ZDHHC15: variants seen among roughly 807,000 people sequenced by gnomAD.
ZDHHC15 encodes the protein zDHHC palmitoyltransferase 15, also known as palmitoyltransferase ZDHHC15.
In ZDHHC15, 19 loss-of-function variants were observed where a neutral mutation model predicts 31.7. The observed-to-expected ratio is 0.60, with a 90% CI of 0.42 to 0.88. ZDHHC15 has a LOEUF of 0.88. Among genes scored for constraint, ZDHHC15 ranks in the 40% least tolerant of loss-of-function variants. ZDHHC15 has a pLI of 0.00. For missense variants in ZDHHC15, 209 were observed against 251.2 expected, an observed-to-expected ratio of 0.83 and a Z score of 1.14; for synonymous variants, 103 against 90.0, an observed-to-expected ratio of 1.14 and a Z score of -0.82.
intron 2 of ZDHHC15, among the ~76,000 whole-genome samples, chrX:75,503,610 G>C (rs2085118022): frequency 9.0e-6 from 1 of 111,032 alleles, no homozygotes. Flanking sequence ...CACATATATA[G>C]TAAGTGGCAA....
rs1205625521 is a variant in ZDHHC15, at chrX:75,372,077, TG to T, written c.*900del. The T allele has an allele frequency of 8.9e-6, 1 of 111,798 alleles. No homozygotes were observed. Among genetic ancestry groups the T allele is most frequent in the Non-Finnish European group, 1.9e-5 (1 of 53,149 alleles). 9.2% of individuals were successfully genotyped at this position (111,798 alleles called of 1,213,427 possible). A position where few individuals can be genotyped will look rare whatever the true frequency, so the allele number is the denominator to read the frequency against. ...CTCTGAAAACCCTTAACAAAACCTA[TG>T]GGCCATAACTTAGGCTTATAGATTT... On this transcript the variant is annotated 3_prime_UTR_variant, in exon 12 of 12. Coordinates refer to ENST00000373367, the MANE Select transcript of ZDHHC15 (RefSeq NM_144969.3).
Position 75,496,130 on chromosome X carries a change from C to T in ZDHHC15, c.163+9691G>A, listed in dbSNP as rs151321265. On this transcript the variant is annotated intron_variant, in intron 2 of 11. Transcript: ENST00000373367. ...GAGTCTCACCTAAGACATATGGACT[C>T]ACATAAACTTAAGGTAAAGGTGTGG... is the stretch of plus-strand genomic sequence containing the variant. Among the ~76,000 whole-genome samples, 182 of 110,500 alleles carry T rather than the reference C, an allele frequency of 1.6e-3. No individual in the cohort carries two copies. The East Asian group carries it at 0.04, about 24-fold the overall frequency.
intron 1 of ZDHHC15, among the ~76,000 whole-genome samples, chrX:75,514,593 C>A (rs908534696): frequency 1.8e-5 from 2 of 111,829 alleles, no homozygotes; most frequent in Admixed American, 9.5e-5. Context: ...CGGGGCATCA[C>A]CTCACCCAGG....
intron 1 of ZDHHC15, among the ~76,000 whole-genome samples, chrX:75,514,114 G>T (rs1252565690): frequency 8.9e-6 from 1 of 112,992 alleles, no homozygotes; most frequent in African/African-American, 3.2e-5. Flanking sequence ...TTCAAGAAAT[G>T]CCAAAGGGCA....
At chrX:75,506,884 T>C (rs2085174067) in intron 1 of ZDHHC15, among the ~76,000 whole-genome samples, 1 of 111,971 alleles carries the variant, frequency 8.9e-6, no homozygotes, top group African/African-American at 3.2e-5. Context: ...GTATGTTTCC[T>C]ATCCCTGGCT....
intron 4 of ZDHHC15, among the ~76,000 whole-genome samples, chrX:75,444,843 G>C: frequency 9.3e-6 from 1 of 107,521 alleles, no homozygotes; most frequent in Non-Finnish European, 1.9e-5. Flanking sequence ...TGTTCTCTCT[G>C]CCTGACTGCA....
At chrX:75,514,580 G>A (rs2085326972) in intron 1 of ZDHHC15, among the ~76,000 whole-genome samples, 1 of 111,744 alleles carries the variant, frequency 8.9e-6, no homozygotes, top group Non-Finnish European at 1.9e-5. Flanking sequence ...AGCCGAAGCG[G>A]GGCGGGGCAT....
intron 4 of ZDHHC15, among the ~76,000 whole-genome samples, chrX:75,438,685 T>A (rs1174975219): frequency 2.7e-5 from 3 of 111,706 alleles, no homozygotes; most frequent in Non-Finnish European, 5.6e-5. Flanking sequence ...TGAGGTATCA[T>A]TCTATTCATC....
intron 11 of ZDHHC15, among the ~76,000 whole-genome samples, chrX:75,377,470 T>C (rs111284419): frequency 0.019 from 1,968 of 104,355 alleles, 65 homozygotes; most frequent in African/African-American, 0.064. Context: ...CACTCCAACC[T>C]GGGCAACAGA....
At chrX:75,374,400 C>T (rs979860001) in intron 11 of ZDHHC15, among the ~76,000 whole-genome samples, 3 of 109,815 alleles carry the variant, frequency 2.7e-5, no homozygotes, top group Non-Finnish European at 5.7e-5. Context: ...AAAAAGGGAA[C>T]CTCCTTAATC....
At chrX:75,476,649 CCCTT>C (rs1458894616) in intron 3 of ZDHHC15, among the ~76,000 whole-genome samples, 6 of 106,971 alleles carry the variant, frequency 5.6e-5, no homozygotes, top group Non-Finnish European at 7.7e-5. Flanking sequence ...TTCCCTCCCT[CCCTT>C]CCTAATATAA....
chrX:75,393,996 C>A (rs948431557), intron 10 of ZDHHC15, among the ~76,000 whole-genome samples: 3 of 111,085 alleles, frequency 2.7e-5, no homozygotes, highest in African/African-American at 9.8e-5. Flanking sequence ...GTGCTGGCAG[C>A]TGATTAGATT....
At chrX:75,459,629 T>C (rs939570909) in intron 3 of ZDHHC15, among the ~76,000 whole-genome samples, 4 of 111,247 alleles carry the variant, frequency 3.6e-5, no homozygotes, top group Admixed American at 9.6e-5. Flanking sequence ...CTTCAGCCAC[T>C]CCAGCCAGGG....
intron 1 of ZDHHC15, among the ~76,000 whole-genome samples, chrX:75,509,905 T>C (rs1348128878): frequency 8.9e-6 from 1 of 112,136 alleles, no homozygotes; most frequent in East Asian, 2.8e-4. Flanking sequence ...GTTCCCAGAG[T>C]TACATATGAT....
intron 1 of ZDHHC15, among the ~76,000 whole-genome samples, chrX:75,507,197 G>A (rs2085181012): frequency 9.0e-6 from 1 of 111,426 alleles, no homozygotes; most frequent in Admixed American, 9.6e-5. Context: ...TAATGACAAC[G>A]ATAATGACGA....
rs1410192393 is a variant in ZDHHC15, at chrX:75,424,645, G to A, written c.736+7C>T. On this transcript the variant is annotated splice_region_variant and intron_variant, in intron 8 of 11. Coordinates refer to ENST00000373367, the MANE Select transcript of ZDHHC15 (RefSeq NM_144969.3). Reference sequence around the variant, plus strand: ...TGTTTTTTCCTAATCTTAATATTCAGTCTTACCTAAGGTGGTTTTGTTTCT... The same window carrying A: ...TGTTTTTTCCTAATCTTAATATTCAATCTTACCTAAGGTGGTTTTGTTTCT... 8.4e-7 allele frequency: 1 copy of A among 1,195,358 alleles called. No individual in the cohort carries two copies.
intron 3 of ZDHHC15, among the ~76,000 whole-genome samples, chrX:75,471,571 A>T (rs1016135665): frequency 8.9e-6 from 1 of 112,256 alleles, no homozygotes; most frequent in African/African-American, 3.2e-5. Flanking sequence ...ACAACCAAGA[A>T]ATTAGCACAA....
intron 2 of ZDHHC15, among the ~76,000 whole-genome samples, chrX:75,484,953 A>G (rs1441556652): frequency 8.9e-6 from 1 of 112,094 alleles, no homozygotes; most frequent in Non-Finnish European, 1.9e-5. Context: ...AAGTGAAGAA[A>G]GCCTAATACA....
chrX:75,404,869 G>T (rs1239378275), intron 10 of ZDHHC15, among the ~76,000 whole-genome samples: 3 of 111,569 alleles, frequency 2.7e-5, no homozygotes, highest in Non-Finnish European at 3.8e-5. Flanking sequence ...CAGCAATCCT[G>T]TTACTGGGTA....
Sources: allele counts gnomAD v4.1 joint callset (sites outside exome capture counted in the v4.1 genomes callset), GRCh38; gene constraint gnomAD v4.1.1; transcripts MANE v1.5; gene names NCBI Gene and HGNC (gene_info 2026-07-23, HGNC 2026-07-21).